The following NPAS3 variants were observed in gnomAD, a reference collection of about 807,000 sequenced individuals.
NPAS3 encodes neuronal PAS domain-containing protein 3.
NPAS3 carries 14 observed loss-of-function variants against 73.1 expected under a neutral mutation model. The ratio of observed to expected loss-of-function variants is 0.19; its 90% CI spans 0.13 to 0.30. NPAS3 has a LOEUF of 0.30. Ranked by LOEUF, NPAS3 falls within the 10% of genes least tolerant of loss-of-function variation. The pLI, the probability that NPAS3 is intolerant of heterozygous loss-of-function variation, is 1.00. For synonymous variants in NPAS3, 620 were observed against 541.5 expected, an observed-to-expected ratio of 1.14 and a Z score of -2.01; for missense variants, 1,096 against 1,250.0, an observed-to-expected ratio of 0.88 and a Z score of 1.86.
chr14:33,587,573 G>A (rs953672448), intron 5 of NPAS3, among the ~76,000 whole-genome samples: 17 of 151,988 alleles, frequency 1.1e-4, no homozygotes, highest in Admixed American at 3.3e-4. Flanking sequence ...GCATAGTACC[G>A]GACACTTCTC....
intron 4 of NPAS3, among the ~76,000 whole-genome samples, chr14:33,438,116 T>TA (rs995965755): frequency 2.6e-5 from 4 of 152,144 alleles, no homozygotes; most frequent in East Asian, 1.9e-4. Context: ...TCTTGATATT[T>TA]AAAAAAACAA....
intron 6 of NPAS3, among the ~76,000 whole-genome samples, chr14:33,694,304 A>G (rs2060314612): frequency 6.6e-6 from 1 of 152,236 alleles, no homozygotes; most frequent in East Asian, 1.9e-4. Context: ...TTACTCAGAA[A>G]GTGAATTTGA....
chr14:33,106,621 G>A (rs921052118), intron 2 of NPAS3, among the ~76,000 whole-genome samples: 1 of 152,096 alleles, frequency 6.6e-6, no homozygotes, highest in Non-Finnish European at 1.5e-5. Context: ...TCTTAAATGA[G>A]GAGAAAAGCT....
intron 2 of NPAS3, among the ~76,000 whole-genome samples, chr14:33,126,138 G>A (rs2043418632): frequency 6.6e-6 from 1 of 152,152 alleles, no homozygotes; most frequent in Non-Finnish European, 1.5e-5. Flanking sequence ...TACTGGTGGT[G>A]CATTGTTCAG....
intron 1 of NPAS3, among the ~76,000 whole-genome samples, chr14:32,994,629 TG>T (rs2038482644): frequency 2.4e-5 from 3 of 126,726 alleles, no homozygotes; most frequent in African/African-American, 1.1e-4. Flanking sequence ...TTTGTTTGTT[TG>T]TTTTTGTTTT....
chr14:33,018,886 C>T (rs1566471432), intron 1 of NPAS3, among the ~76,000 whole-genome samples: 1 of 151,466 alleles, frequency 6.6e-6, no homozygotes, highest in African/African-American at 2.4e-5. Context: ...TTTGTATGCA[C>T]ATAAAGGTAA....
At chr14:33,669,401 G>A (rs545644489) in intron 5 of NPAS3, among the ~76,000 whole-genome samples, 7 of 152,170 alleles carry the variant, frequency 4.6e-5, no homozygotes, top group African/African-American at 7.2e-5. Flanking sequence ...AAATCCCTGG[G>A]CTCATTCCTG....
intron 2 of NPAS3, among the ~76,000 whole-genome samples, chr14:33,079,035 T>C (rs572064446): frequency 8.1e-4 from 124 of 152,332 alleles, no homozygotes; most frequent in Non-Finnish European, 1.2e-3. Context: ...ATAGTTGACT[T>C]CCCTGAGTCT....
intron 6 of NPAS3, among the ~76,000 whole-genome samples, chr14:33,692,836 T>TAA (rs34684535): frequency 0.015 from 967 of 64,030 alleles, 83 homozygotes; most frequent in African/African-American, 0.047. Context: ...CCCAATGTCT[T>TAA]AAAAAAAAAA....
At chr14:33,148,653 A>T (rs900343792) in intron 2 of NPAS3, among the ~76,000 whole-genome samples, 1 of 152,176 alleles carries the variant, frequency 6.6e-6, no homozygotes, top group African/African-American at 2.4e-5. Flanking sequence ...GTTAAAAATC[A>T]TTTATGTGAT....
chr14:32,964,849 G>C (rs2037086413), intron 1 of NPAS3, among the ~76,000 whole-genome samples: 1 of 151,912 alleles, frequency 6.6e-6, no homozygotes, highest in Non-Finnish European at 1.5e-5. Context: ...CGGTGTGGTG[G>C]TGCTAAGCAA....
At chr14:32,942,275 A>G (rs919934320) in intron 1 of NPAS3, among the ~76,000 whole-genome samples, 4 of 152,222 alleles carry the variant, frequency 2.6e-5, no homozygotes, top group African/African-American at 7.2e-5. Context: ...AGAAAAATAT[A>G]TCTTTTGAAT....
intron 7 of NPAS3, among the ~76,000 whole-genome samples, chr14:33,766,083 TGCCAG>T (rs1427492718): frequency 6.6e-6 from 1 of 152,238 alleles, no homozygotes; most frequent in Non-Finnish European, 1.5e-5. Flanking sequence ...TTCCCTCATG[TGCCAG>T]GCCCATTTAC....
intron 3 of NPAS3, among the ~76,000 whole-genome samples, chr14:33,260,268 T>A (rs749142904): frequency 1.1e-4 from 17 of 152,180 alleles, no homozygotes; most frequent in Non-Finnish European, 1.9e-4. Context: ...AATGATTTGT[T>A]GGTATATACT....
Position 33,671,098 on chromosome 14 carries a change from C to G in NPAS3, c.559-5113C>G, listed in dbSNP as rs952127219. Among the ~76,000 whole-genome samples the G allele has an allele frequency of 3.9e-4, 60 of 152,258 alleles. 1 individual carries two copies. The highest frequency in any genetic ancestry group is 2.7e-3 in the East Asian group (14 of 5,168). On this transcript the variant is annotated intron_variant, in intron 5 of 11. Transcript: ENST00000356141. ...TATGGCCTTTCTTTATCTAAGCATT[C>G]TCTTAAGTTGTTCCAATATGGAGAT...
intron 3 of NPAS3, among the ~76,000 whole-genome samples, chr14:33,347,252 G>C (rs899347505): frequency 1.3e-5 from 2 of 152,084 alleles, no homozygotes; most frequent in Non-Finnish European, 2.9e-5. Context: ...ATTTCTAATG[G>C]GGTTATTTGT....
chr14:33,088,923 G>A (rs1002205828), intron 2 of NPAS3, among the ~76,000 whole-genome samples: 7 of 152,324 alleles, frequency 4.6e-5, no homozygotes, highest in Non-Finnish European at 1.5e-5. Flanking sequence ...AGGGTCTGGA[G>A]TGGAATTCCA....
intron 8 of NPAS3, 80 bp from the exon 9 acceptor site, chr14:33,778,386 T>C (rs2062884078): frequency 2.9e-5 from 30 of 1,017,294 alleles, no homozygotes; most frequent in Middle Eastern, 5.2e-4. Context: ...AATGTGTCAG[T>C]AGAACTGTTT....
At chr14:33,714,179 C>G in intron 6 of NPAS3, among the ~76,000 whole-genome samples, 1 of 151,936 alleles carries the variant, frequency 6.6e-6, no homozygotes, top group East Asian at 1.9e-4. Context: ...AAAATTACAA[C>G]TCTCTCCCTC....
Sources: gnomAD v4.1 joint callset for allele counts (sites outside exome capture counted in the v4.1 genomes callset) on GRCh38, gnomAD v4.1.1 for gene constraint, MANE v1.5 for transcripts, NCBI Gene and HGNC (gene_info 2026-07-23, HGNC 2026-07-21) for gene names.